Variants in NOVA1 observed in about 807,000 individuals in gnomAD.
The protein encoded by NOVA1 is RNA-binding protein Nova-1.
Under a neutral mutation model 38.0 loss-of-function variants are expected in NOVA1, and 7 were observed. The observed-to-expected ratio is 0.18, with a 90% confidence interval of 0.10 to 0.35. The LOEUF (loss-of-function observed/expected upper bound fraction) is 0.35. Among genes scored for constraint, NOVA1 ranks in the 10% least tolerant of loss-of-function variants. The pLI, the probability that NOVA1 is intolerant of heterozygous loss-of-function variation, is 1.00. For synonymous variants in NOVA1, 270 were observed against 232.5 expected (o/e 1.16, Z -1.47); for missense variants, 460 against 616.0 (o/e 0.75, Z 2.68).
At chr14:26,513,469 G>A (rs990879769) in intron 2 of NOVA1, among the ~76,000 whole-genome samples, 6 of 151,814 alleles carry the variant, frequency 4.0e-5, no homozygotes, top group African/African-American at 1.4e-4. Flanking sequence ...AAAATAATCT[G>A]ATTTTCTAAA....
chr14:26,592,897 C>T lies in NOVA1; in HGVS notation c.280+2513G>A, dbSNP rs1893947077. 2.6e-5 allele frequency: 4 copies of T among 151,664 alleles called. No individual in the cohort carries two copies. The South Asian group carries it at 8.3e-4, about 31-fold the overall frequency. 9.4% of individuals were successfully genotyped at this position (151,664 alleles called of 1,614,324 possible). A position where few individuals can be genotyped will look rare whatever the true frequency, so the allele number is the denominator to read the frequency against. On this transcript the variant is annotated intron_variant, in intron 2 of 4. Transcript: ENST00000539517. ...AAACACACTAGTATTTTAACTAAAC[C>T]TTACAAACACAATTACATTCTGCTT...
chr14:26,533,399 T>C (rs1889859804), intron 2 of NOVA1, among the ~76,000 whole-genome samples: 1 of 152,222 alleles, frequency 6.6e-6, no homozygotes. Context: ...CAGAATAATC[T>C]TTTAAAATGT....
At chr14:26,466,887 T>A (rs968828661) in intron 4 of NOVA1, among the ~76,000 whole-genome samples, 1 of 152,204 alleles carries the variant, frequency 6.6e-6, no homozygotes, top group Non-Finnish European at 1.5e-5. Context: ...AAAGCCCTCA[T>A]CAGATGCCAG....
intron 4 of NOVA1, among the ~76,000 whole-genome samples, chr14:26,460,754 C>T (rs1883593001): frequency 1.3e-5 from 2 of 151,950 alleles, no homozygotes; most frequent in Non-Finnish European, 2.9e-5. Context: ...TATCAAACTC[C>T]CCAGTTTTGC....
Position 26,595,556 on chromosome 14 carries a change from GA to G in NOVA1, c.137-4del. 6.2e-7 allele frequency: 1 copy of G among 1,610,746 alleles called. No homozygotes were observed. The highest frequency in any genetic ancestry group is 8.5e-7 in the Non-Finnish European group (1 of 1,178,916). On this transcript the variant is annotated splice_region_variant and splice_polypyrimidine_tract_variant and intron_variant, in intron 1 of 4. Coordinates refer to ENST00000539517, the MANE Select transcript of NOVA1 (RefSeq NM_002515.3). ...CTTTAGAAAATACTGGCCGTCTTCT[GA>G]AAAATGCAAAGAAATATACTCGGTT...
intron 2 of NOVA1, among the ~76,000 whole-genome samples, chr14:26,592,407 A>T (rs994373137): frequency 7.9e-5 from 12 of 151,432 alleles, no homozygotes; most frequent in Non-Finnish European, 1.5e-4. Context: ...TAAGAAAAAA[A>T]AAAAGGTATA....
chr14:26,498,758 G>C (rs1887022232), intron 2 of NOVA1, among the ~76,000 whole-genome samples: 1 of 152,082 alleles, frequency 6.6e-6, no homozygotes, highest in Non-Finnish European at 1.5e-5. Flanking sequence ...CTGAAGCATT[G>C]GTTCTGAGAA....
rs189724535 is a variant in NOVA1 at position 26,498,076 on chromosome 14, A to G, written c.281-17933T>C. Among the ~76,000 whole-genome samples the G allele has an allele frequency of 2.6e-5, 4 of 152,220 alleles. No homozygotes were observed. In the East Asian group the frequency reaches 5.8e-4, roughly 22 times the overall value. On this transcript the variant is annotated intron_variant, in intron 2 of 4. Coordinates refer to ENST00000539517, the MANE Select transcript of NOVA1 (RefSeq NM_002515.3). Reference sequence around the variant, plus strand: ...ATAGATTAAAAAATAAAGTGCTAATATGGGATATAGTCTTGCTCTGTCACC... The same window carrying G: ...ATAGATTAAAAAATAAAGTGCTAATGTGGGATATAGTCTTGCTCTGTCACC...
chr14:26,482,750 T>A (rs1885569376), intron 2 of NOVA1, among the ~76,000 whole-genome samples: 1 of 152,096 alleles, frequency 6.6e-6, no homozygotes, highest in African/African-American at 2.4e-5. Flanking sequence ...CAGGCTGGAG[T>A]GCAGTGGTGA....
At chr14:26,588,705 T>C (rs1313774826) in intron 2 of NOVA1, among the ~76,000 whole-genome samples, 1 of 151,564 alleles carries the variant, frequency 6.6e-6, no homozygotes, top group Non-Finnish European at 1.5e-5. Context: ...AAAGTATATA[T>C]GTGAAATTTT....
At chr14:26,470,402 T>G (rs1015888208) in intron 4 of NOVA1, 6 of 1,520,668 alleles carry the variant, frequency 3.9e-6, no homozygotes, top group Non-Finnish European at 4.6e-6. Context: ...TATGAAAGAT[T>G]GATGATTACA....
intron 2 of NOVA1, among the ~76,000 whole-genome samples, chr14:26,482,405 G>C (rs973803958): frequency 6.6e-6 from 1 of 151,958 alleles, no homozygotes; most frequent in Admixed American, 6.6e-5. Flanking sequence ...TTTTCACTCA[G>C]AAAACACAAA....
chr14:26,454,148 G>C (rs575379732), intron 4 of NOVA1, among the ~76,000 whole-genome samples: 1 of 151,320 alleles, frequency 6.6e-6, no homozygotes, highest in Non-Finnish European at 1.5e-5. Context: ...GATAGCTGAA[G>C]AACTTTAAAA....
At chr14:26,548,986 T>C (rs146801470) in intron 2 of NOVA1, among the ~76,000 whole-genome samples, 6 of 152,110 alleles carry the variant, frequency 3.9e-5, no homozygotes, top group Non-Finnish European at 7.4e-5. Context: ...CCAGTTGTGG[T>C]AGCGCATGCC....
At chr14:26,565,927 T>C (rs1177762708) in intron 2 of NOVA1, among the ~76,000 whole-genome samples, 3 of 152,142 alleles carry the variant, frequency 2.0e-5, no homozygotes, top group East Asian at 1.9e-4. Context: ...AAGTGATCTA[T>C]GTTTGTTTTA....
intron 2 of NOVA1, among the ~76,000 whole-genome samples, chr14:26,536,790 A>G (rs1186403089): frequency 6.6e-6 from 1 of 152,168 alleles, no homozygotes; most frequent in African/African-American, 2.4e-5. Context: ...TATGTGACAA[A>G]CATTCTAATA....
intron 4 of NOVA1, among the ~76,000 whole-genome samples, chr14:26,456,218 G>A (rs1332310551): frequency 1.3e-5 from 2 of 151,750 alleles, no homozygotes; most frequent in Non-Finnish European, 1.5e-5. Flanking sequence ...AAATACCTAC[G>A]AAGATAAACA....
chr14:26,501,750 C>T (rs958335224), intron 2 of NOVA1, among the ~76,000 whole-genome samples: 8 of 151,846 alleles, frequency 5.3e-5, no homozygotes, highest in South Asian at 2.1e-4. Flanking sequence ...AGATTTTAAA[C>T]ATTAATAACT....
chr14:26,565,772 T>G (rs1379165512), intron 2 of NOVA1, among the ~76,000 whole-genome samples: 5 of 152,252 alleles, frequency 3.3e-5, no homozygotes, highest in Non-Finnish European at 7.4e-5. Context: ...CATTTATTAG[T>G]TTTCTTTTTA....
Sources: allele counts gnomAD v4.1 joint callset (sites outside exome capture counted in the v4.1 genomes callset), GRCh38; gene constraint gnomAD v4.1.1; transcripts MANE v1.5; gene names NCBI Gene and HGNC (gene_info 2026-07-23, HGNC 2026-07-21).